The following TMEM14A variants were observed in gnomAD, a reference collection of about 807,000 sequenced individuals.
The protein encoded by TMEM14A is transmembrane protein 14A.
TMEM14A carries 8 observed loss-of-function variants against 11.6 expected under a neutral mutation model. The observed-to-expected ratio is 0.69, with a 90% CI of 0.40 to 1.24. The LOEUF is 1.24. TMEM14A is among the 50% of genes most tolerant of loss of function. TMEM14A has a pLI of 0.01. For missense variants in TMEM14A, 108 were observed against 121.9 expected (o/e 0.89, Z 0.54); for synonymous variants, 34 against 45.5 (o/e 0.75, Z 1.02).
At chr6:52,678,651 T>G (rs1450829931) in intron 2 of TMEM14A, among the ~76,000 whole-genome samples, 5 of 152,156 alleles carry the variant, frequency 3.3e-5, no homozygotes, top group Non-Finnish European at 5.9e-5. Flanking sequence ...ACGCTGCCAC[T>G]TACCAGCACT....
At position 52,681,864 on chromosome 6, in the gene TMEM14A, A is replaced by G. The variant is rs751424236; in HGVS notation, c.122A>G (p.Tyr41Cys). 38 of 1,613,942 alleles carry G rather than the reference A, an allele frequency of 2.4e-5. No individual in the cohort carries two copies. The highest frequency in any genetic ancestry group is 6.7e-5 in the Admixed American group (4 of 59,984). The change falls in exon 3 of 5, where the codon TAT becomes TGT. Residue 41 changes from tyrosine to cysteine, a missense_variant. Coordinates refer to ENST00000211314, the MANE Select transcript of TMEM14A (RefSeq NM_014051.4). ...CTTTTTGTTGGATGTTTGGCCGGCTATGGAGCTTACCGTGTCTCCAATGAC... is the reference window on the plus strand; with the variant it reads ...CTTTTTGTTGGATGTTTGGCCGGCTGTGGAGCTTACCGTGTCTCCAATGAC... Reference protein sequence around the residue: ...AGLFVGCLAGYGAYRVSNDKR... With the variant: ...AGLFVGCLAGCGAYRVSNDKR...
chr6:52,680,712 T>TGTATATATATATATATATAC (rs1769374490), intron 2 of TMEM14A, among the ~76,000 whole-genome samples: 12 of 133,064 alleles, frequency 9.0e-5, no homozygotes, highest in East Asian at 4.5e-4. Context: ...TATACACATA[T>TGTATATATATATATATATAC]ATATATGGCA....
rs115616168 is a variant in TMEM14A at position 52,676,815 on chromosome 6, G to A, written c.-16-272G>A. On this transcript the variant is annotated intron_variant, in intron 1 of 4. Coordinates refer to ENST00000211314, the MANE Select transcript of TMEM14A (RefSeq NM_014051.4). ...CGACAGGAGGGGGAGAGCACGTGAA[G>A]GGGGAAGTGCTACACGCTTTCAAAC... is the stretch of plus-strand genomic sequence containing the variant. Among the ~76,000 whole-genome samples the A allele has an allele frequency of 9.7e-4, 148 of 152,266 alleles. 1 individual carries two copies. Among genetic ancestry groups the A allele is most frequent in the African/African-American group, 3.4e-3 (140 of 41,534 alleles).
chr6:52,675,980 A>G (rs531932885), intron 1 of TMEM14A, among the ~76,000 whole-genome samples: 53 of 152,214 alleles, frequency 3.5e-4, no homozygotes, highest in Non-Finnish European at 6.0e-4. Flanking sequence ...GAGGTGGCAT[A>G]CAGGGGATAG....
chr6:52,685,956 C>T, intron 4 of TMEM14A, 54 bp from the exon 5 acceptor site: 1 of 1,586,508 alleles, frequency 6.3e-7, no homozygotes, highest in East Asian at 2.3e-5. Context: ...CCCTTTCTGT[C>T]TTATGCCAGA....
chr6:52,676,285 C>T (rs1267681380), intron 1 of TMEM14A, among the ~76,000 whole-genome samples: 3 of 152,128 alleles, frequency 2.0e-5, no homozygotes, highest in African/African-American at 7.2e-5. Flanking sequence ...CAGGGTGTCA[C>T]TCTGTCATCC....
At chr6:52,684,011 C>G (rs1057121677) in intron 3 of TMEM14A, 67 bp from the exon 4 acceptor site, 2 of 1,430,958 alleles carry the variant, frequency 1.4e-6, no homozygotes, top group East Asian at 2.3e-5. Flanking sequence ...AAATGGTACC[C>G]GCTGTTTTCC....
At position 52,686,410 on chromosome 6, in the gene TMEM14A, T is replaced by TG; in HGVS notation, c.*362dup. 2.6e-6 allele frequency: 1 copy of TG among 386,846 alleles called. No homozygotes were observed. The highest frequency in any genetic ancestry group is 3.6e-5 in the East Asian group (1 of 27,548). 24.0% of individuals were successfully genotyped at this position (386,846 alleles called of 1,614,324 possible). ...GAAGTCTTAAGTGGAGTTCACAGAATGATAATGTATCTATTTGTCATTTGT... is the reference window on the plus strand; with the variant it reads ...GAAGTCTTAAGTGGAGTTCACAGAATGGATAATGTATCTATTTGTCATTTGT... On this transcript the variant is annotated 3_prime_UTR_variant, in exon 5 of 5. Coordinates refer to ENST00000211314, the MANE Select transcript of TMEM14A (RefSeq NM_014051.4).
At chr6:52,677,247 G>C (rs940862453) in intron 2 of TMEM14A, 75 bp downstream of exon 2, 1 of 1,499,336 alleles carries the variant, frequency 6.7e-7, no homozygotes, top group Non-Finnish European at 9.3e-7. Flanking sequence ...GTGAGGCTCT[G>C]TAAGTAGGAT....
At chr6:52,684,023 A>G in intron 3 of TMEM14A, 55 bp from the exon 4 acceptor site, 1 of 1,531,358 alleles carries the variant, frequency 6.5e-7, no homozygotes, top group Non-Finnish European at 9.0e-7. Context: ...CTGTTTTCCC[A>G]CAAGCATTGA....
chr6:52,679,193 A>AGTG (rs1455229626), intron 2 of TMEM14A, among the ~76,000 whole-genome samples: 6 of 152,200 alleles, frequency 3.9e-5, no homozygotes, highest in Non-Finnish European at 8.8e-5. Context: ...GAGGGCAGCC[A>AGTG]GTGGCGGGAC....
rs373582842 is a variant in TMEM14A at position 52,686,043 on chromosome 6, G to T, written c.294G>T (p.Leu98=). The change falls in exon 5 of 5, where the codon CTG becomes CTT. Residue 98 remains leucine, a synonymous_variant. Transcript: ENST00000211314. ...LMMILRLVLL[L]L is the part of the protein sequence containing the mutation. Reference sequence around the variant, plus strand: ...TGATCCTGAGACTTGTCTTGTTGCTGCTCTGAGCATCTGGAGGAACAGAAA... The same window carrying T: ...TGATCCTGAGACTTGTCTTGTTGCTTCTCTGAGCATCTGGAGGAACAGAAA... 5.6e-6 allele frequency: 9 copies of T among 1,611,494 alleles called. No homozygotes were observed. The African/African-American group carries it at 9.4e-5, about 17-fold the overall frequency.
chr6:52,686,450 T>G lies in TMEM14A; in HGVS notation c.*401T>G, dbSNP rs1400272010. 2.6e-6 allele frequency: 1 copy of G among 386,332 alleles called. No individual in the cohort carries two copies. Among genetic ancestry groups the G allele is most frequent in the African/African-American group, 2.1e-5 (1 of 48,362 alleles). 23.9% of individuals were successfully genotyped at this position (386,332 alleles called of 1,614,324 possible). Reference sequence around the variant, plus strand: ...TTGTCATTTGTGTTATATTTGAAATTATTAGAAATTATGCTTTTTCCATTT... The same window carrying G: ...TTGTCATTTGTGTTATATTTGAAATGATTAGAAATTATGCTTTTTCCATTT... On this transcript the variant is annotated 3_prime_UTR_variant, in exon 5 of 5. Coordinates refer to ENST00000211314, the MANE Select transcript of TMEM14A (RefSeq NM_014051.4).
intron 1 of TMEM14A, among the ~76,000 whole-genome samples, chr6:52,674,972 G>T (rs1769229140): frequency 6.6e-6 from 1 of 151,458 alleles, no homozygotes; most frequent in South Asian, 2.1e-4. Context: ...TGCCTCGCAG[G>T]TTCAAGGGAT....
chr6:52,678,360 TGTGTGTGTGTGG>T (rs1445589889), intron 2 of TMEM14A, among the ~76,000 whole-genome samples: 9 of 115,156 alleles, frequency 7.8e-5, no homozygotes, highest in East Asian at 4.9e-4. Flanking sequence ...TGTGTGTGTG[TGTGTGTGTGTGG>T]AAGGAATCAT....
At chr6:52,685,053 A>G (rs943878643) in intron 4 of TMEM14A, among the ~76,000 whole-genome samples, 3 of 152,230 alleles carry the variant, frequency 2.0e-5, no homozygotes, top group Non-Finnish European at 2.9e-5. Flanking sequence ...ACAACCACAT[A>G]TAGTGTGATT....
At chr6:52,681,562 C>T (rs1769392112) in intron 2 of TMEM14A, among the ~76,000 whole-genome samples, 1 of 152,148 alleles carries the variant, frequency 6.6e-6, no homozygotes, top group South Asian at 2.1e-4. Flanking sequence ...TTCTTATTTC[C>T]CCAAGTGACA....
intron 3 of TMEM14A, among the ~76,000 whole-genome samples, chr6:52,682,882 A>G (rs1223538910): frequency 6.6e-6 from 1 of 152,208 alleles, no homozygotes; most frequent in Admixed American, 6.5e-5. Context: ...CTTCTGAATA[A>G]AATACTATTG....
chr6:52,673,489 C>T (rs1311578945), intron 1 of TMEM14A, among the ~76,000 whole-genome samples: 1 of 151,946 alleles, frequency 6.6e-6, no homozygotes, highest in East Asian at 1.9e-4. Flanking sequence ...TGTTTGTAAG[C>T]CCCTAATGGG....
Sources: allele counts gnomAD v4.1 joint callset (sites outside exome capture counted in the v4.1 genomes callset), GRCh38; gene constraint gnomAD v4.1.1; transcripts MANE v1.5; gene names NCBI Gene and HGNC (gene_info 2026-07-23, HGNC 2026-07-21).